The following INVS variants were observed in gnomAD, a reference collection of about 807,000 sequenced individuals.
The protein encoded by INVS is inversion of embryo turning homolog.
In INVS, 86 loss-of-function variants were observed where a neutral mutation model predicts 108.8. The observed-to-expected ratio is 0.79, with a 90% CI of 0.66 to 0.95. The LOEUF (loss-of-function observed/expected upper bound fraction) is 0.95. Among genes scored for constraint, INVS ranks in the 40% least tolerant of loss-of-function variants. The probability of loss-of-function intolerance (pLI) is 0.00; values close to 1 mark genes in which losing one functional copy is unlikely to be tolerated. For synonymous variants in INVS, 455 were observed against 473.5 expected (o/e 0.96, Z 0.51); for missense variants, 1,169 against 1,297.4 (o/e 0.90, Z 1.52).
chr9:100,197,932 A>C (rs967404967), intron 3 of INVS, among the ~76,000 whole-genome samples: 1 of 152,146 alleles, frequency 6.6e-6, no homozygotes, highest in Non-Finnish European at 1.5e-5. Flanking sequence ...GCAGAAGGTC[A>C]GAGAGAGAGA....
At chr9:100,166,894 GATCCTTTAAAACTTAA>G (rs1829381102) in intron 3 of INVS, among the ~76,000 whole-genome samples, 1 of 152,124 alleles carries the variant, frequency 6.6e-6, no homozygotes, top group Non-Finnish European at 1.5e-5. Flanking sequence ...CAACCAGAAT[GATCCTTTAAAACTTAA>G]GTCAAAGCAT....
intron 4 of INVS, among the ~76,000 whole-genome samples, chr9:100,229,190 G>C (rs1180833900): frequency 2.0e-5 from 3 of 152,192 alleles, no homozygotes; most frequent in Non-Finnish European, 4.4e-5. Flanking sequence ...CTTCATAGCT[G>C]CTCTTTGGCA....
intron 3 of INVS, chr9:100,175,979 A>G (rs1829700614): frequency 1.8e-6 from 1 of 557,050 alleles, no homozygotes; most frequent in African/African-American, 1.9e-5. Context: ...ACAGCAGACC[A>G]CTAGGTATTT....
At chr9:100,174,555 A>G (rs1416238910) in intron 3 of INVS, among the ~76,000 whole-genome samples, 2 of 152,210 alleles carry the variant, frequency 1.3e-5, no homozygotes, top group Non-Finnish European at 2.9e-5. Context: ...AAAATTGCCC[A>G]AACTTGGTGA....
At position 100,293,009 on chromosome 9, in the gene INVS, A is replaced by G. The variant is rs1246028510; in HGVS notation, c.2752A>G (p.Lys918Glu). 3 of 1,613,930 alleles carry G rather than the reference A, an allele frequency of 1.9e-6. No homozygotes were observed. The African/African-American group carries it at 4.0e-5, about 22-fold the overall frequency. Residue 918 changes from lysine (K) to glutamate (E), a missense_variant, in exon 14 of 17, where the codon AAG (lysine) becomes GAG (glutamate). This residue lies in a region of INVS where 533 missense variants were observed against 536.0 expected (regional missense o/e 0.99). Coordinates refer to ENST00000262457, the MANE Select transcript of INVS (RefSeq NM_014425.5). ...RRKELFRKKNKAAAVIQRAWR... is the reference protein window; with the variant it reads ...RRKELFRKKNEAAAVIQRAWR... The stretch of plus-strand genomic sequence containing the variant: ...GAAGGAGCTGTTTCGCAAAAAGAAC[A>G]AGGCAGCAGCAGTCATCCAGCGCGC...
intron 12 of INVS, among the ~76,000 whole-genome samples, chr9:100,279,880 G>A (rs1012079771): frequency 1.2e-4 from 19 of 152,048 alleles, no homozygotes; most frequent in African/African-American, 4.3e-4. Flanking sequence ...CTTGTGGGTC[G>A]CAGTATTTAG....
chr9:100,154,226 C>T (rs1009630836), intron 3 of INVS, among the ~76,000 whole-genome samples: 8 of 151,164 alleles, frequency 5.3e-5, no homozygotes, highest in Admixed American at 4.6e-4. Context: ...TGCAGTGGCA[C>T]AATCATGGCT....
chr9:100,272,906 A>C lies in INVS; in HGVS notation c.1614A>C (p.Glu538Asp). 3 of 1,614,090 alleles carry C rather than the reference A, an allele frequency of 1.9e-6. No homozygotes were observed. Among genetic ancestry groups the C allele is most frequent in the Non-Finnish European group, 2.5e-6 (3 of 1,180,008 alleles). The part of the protein sequence containing the change: ...LDYALLGERH[E>D]VIQFMLEHGA... ...ATGCTTTGCTTGGTGAGCGCCATGAAGTGATCCAGTTCATGTTGGAGCACG... is the reference window on the plus strand; with the variant it reads ...ATGCTTTGCTTGGTGAGCGCCATGACGTGATCCAGTTCATGTTGGAGCACG... Residue 538 changes from glutamate (E) to aspartate (D), a missense_variant, in exon 12 of 17, where the codon GAA becomes GAC. Glu to Asp is a conservative substitution (Grantham distance 45, BLOSUM62 2). This residue lies in a region of INVS where 271 missense variants were observed against 363.8 expected (regional missense o/e 0.74). Transcript: ENST00000262457.
At chr9:100,126,203 A>G (rs1166593880) in intron 2 of INVS, among the ~76,000 whole-genome samples, 180 bp from the exon 3 acceptor site, 1 of 152,224 alleles carries the variant, frequency 6.6e-6, no homozygotes, top group African/African-American at 2.4e-5. Context: ...TACTTAACTT[A>G]TTTGAGCCTC....
intron 3 of INVS, among the ~76,000 whole-genome samples, chr9:100,207,373 A>G (rs1236914618): frequency 6.6e-6 from 1 of 152,112 alleles, no homozygotes; most frequent in African/African-American, 2.4e-5. Flanking sequence ...GGCTCACTGC[A>G]ACTGCTGCCT....
At chr9:100,211,156 A>C (rs1830820767) in intron 3 of INVS, among the ~76,000 whole-genome samples, 2 of 152,162 alleles carry the variant, frequency 1.3e-5, no homozygotes, top group Non-Finnish European at 2.9e-5. Context: ...TTAAGACAAA[A>C]AAAAAATGTT....
At chr9:100,288,290 A>G (rs1191199878) in intron 13 of INVS, among the ~76,000 whole-genome samples, 1 of 152,110 alleles carries the variant, frequency 6.6e-6, no homozygotes, top group Non-Finnish European at 1.5e-5. Context: ...GCAGCTGAGT[A>G]GCTTTCTCAG....
rs568394499 is a variant in INVS at position 100,181,560 on chromosome 9, G to A, written c.274-44502G>A. ...ATACCTAGGAATACAACTATCAAGT[G>A]ATGTGAAAGACCTCTTCAAGGAGAG... On this transcript the variant is annotated intron_variant, in intron 3 of 16. Coordinates refer to ENST00000262457, the MANE Select transcript of INVS (RefSeq NM_014425.5). 6.8e-4 allele frequency among the ~76,000 whole-genome samples: 103 copies of A among 152,224 alleles called. 1 individual carries two copies. The South Asian group carries it at 0.021, about 31-fold the overall frequency.
At chr9:100,229,913 A>C in intron 5 of INVS, 86 bp downstream of exon 5, 1 of 1,282,178 alleles carries the variant, frequency 7.8e-7, no homozygotes, top group Non-Finnish European at 1.1e-6. Flanking sequence ...TGTATATTTG[A>C]CGTACAAGCA....
chr9:100,176,059 A>G, intron 3 of INVS: 1 of 500,180 alleles, frequency 2.0e-6, no homozygotes, highest in Non-Finnish European at 3.9e-6. Flanking sequence ...ATATGTAAAG[A>G]TGAGTGAAAC....
intron 5 of INVS, among the ~76,000 whole-genome samples, chr9:100,234,787 C>A (rs1000495898): frequency 1.3e-5 from 2 of 151,950 alleles, no homozygotes; most frequent in Non-Finnish European, 2.9e-5. Flanking sequence ...CTTCCAATTA[C>A]GTGGTCAATT....
At chr9:100,202,667 T>C (rs961666921) in intron 3 of INVS, among the ~76,000 whole-genome samples, 1 of 152,224 alleles carries the variant, frequency 6.6e-6, no homozygotes, top group African/African-American at 2.4e-5. Flanking sequence ...TGCTTACTTA[T>C]TTTGGGGGCC....
intron 5 of INVS, among the ~76,000 whole-genome samples, chr9:100,232,423 T>G (rs1223132894): frequency 3.3e-5 from 5 of 152,212 alleles, no homozygotes; most frequent in Non-Finnish European, 5.9e-5. Context: ...ATGAAGTCTT[T>G]GCCCATGCCT....
At chr9:100,269,373 T>A (rs1294979171) in intron 11 of INVS, among the ~76,000 whole-genome samples, 2 of 103,650 alleles carry the variant, frequency 1.9e-5, no homozygotes, top group Admixed American at 1.7e-4. Context: ...GTAGCAAAAT[T>A]TTTTTTAATT....
Sources: allele counts gnomAD v4.1 joint callset (sites outside exome capture counted in the v4.1 genomes callset), GRCh38; gene constraint gnomAD v4.1.1; regional missense constraint gnomAD v4.1.1; transcripts MANE v1.5; gene names NCBI Gene and HGNC (gene_info 2026-07-23, HGNC 2026-07-21).